ACSL4: variants seen among roughly 807,000 people sequenced by gnomAD.
ACSL4 encodes the protein acyl-CoA synthetase long chain family member 4.
A neutral mutation model predicts 49.1 loss-of-function variants in ACSL4; 9 were observed. The ratio of observed to expected loss-of-function variants is 0.18; its 90% CI spans 0.11 to 0.32. The LOEUF (loss-of-function observed/expected upper bound fraction) is 0.32. Ranked by LOEUF, ACSL4 falls within the 10% of genes least tolerant of loss-of-function variation. The pLI, the probability that ACSL4 is intolerant of heterozygous loss-of-function variation, is 1.00. For synonymous variants in ACSL4, 191 were observed against 170.3 expected (o/e 1.12, Z -0.95); for missense variants, 333 against 493.7 (o/e 0.67, Z 3.08).
chrX:109,647,255 C>G (rs764247491), intron 15 of ACSL4, among the ~76,000 whole-genome samples: 1 of 111,511 alleles, frequency 9.0e-6, no homozygotes, highest in Admixed American at 9.5e-5. Flanking sequence ...TATTCCAAAA[C>G]TGACCACAAA....
rs922168869 is a variant in ACSL4, at chrX:109,659,782, G to A, written c.1698-271C>T. On this transcript the variant is annotated intron_variant, in intron 14 of 15. Transcript: ENST00000672401. ...CACTCAATGAGGAAAGGACAGTCTC[G>A]TCAACAAATGGTACTAGGAAAACTG... Among the ~76,000 whole-genome samples, 22 of 110,596 alleles carry A rather than the reference G, an allele frequency of 2.0e-4. 3 individuals carry two copies. Among genetic ancestry groups the A allele is most frequent in the South Asian group, 1.1e-3 (3 of 2,643 alleles).
At chrX:109,646,740 A>G (rs1934726722) in intron 15 of ACSL4, among the ~76,000 whole-genome samples, 1 of 111,352 alleles carries the variant, frequency 9.0e-6, no homozygotes, top group Non-Finnish European at 1.9e-5. Context: ...TTGGATACAG[A>G]GTCAAGACCC....
chrX:109,733,160 C>T lies in ACSL4; in HGVS notation c.-87G>A, dbSNP rs1309186002. 1 of 328,201 alleles carries T rather than the reference C, an allele frequency of 3.0e-6. No individual in the cohort carries two copies. Among genetic ancestry groups the T allele is most frequent in the Non-Finnish European group, 5.9e-6 (1 of 168,887 alleles). 27.0% of individuals were successfully genotyped at this position (328,201 alleles called of 1,213,427 possible). ...TCACCGGAGGGGCGGCCCACCGCGT[C>T]TTCGCAGCCGGCCGGCGCCTGGCAC... is the stretch of plus-strand genomic sequence containing the variant. On this transcript the variant is annotated 5_prime_UTR_variant, in exon 1 of 16. Coordinates refer to ENST00000672401, the MANE Select transcript of ACSL4 (RefSeq NM_001318510.2).
chrX:109,725,449 G>A (rs1459477127), intron 1 of ACSL4, among the ~76,000 whole-genome samples: 1 of 111,310 alleles, frequency 9.0e-6, no homozygotes, highest in African/African-American at 3.3e-5. Flanking sequence ...TTTTACATTT[G>A]ACAAGTAATG....
At chrX:109,682,533 A>C (rs183190802) in intron 4 of ACSL4, among the ~76,000 whole-genome samples, 186 bp downstream of exon 4, 1 of 109,921 alleles carries the variant, frequency 9.1e-6, no homozygotes, top group African/African-American at 3.3e-5. Context: ...AGTTCTTACA[A>C]GTTACCATAC....
intron 2 of ACSL4, 69 bp from the exon 3 acceptor site, chrX:109,683,444 C>G (rs1924346489): frequency 8.3e-7 from 1 of 1,209,362 alleles, no homozygotes; most frequent in South Asian, 1.8e-5. Context: ...AACAAGTGGA[C>G]AGGCAGCAAA....
At chrX:109,715,433 G>T (rs1002600028) in intron 1 of ACSL4, among the ~76,000 whole-genome samples, 5 of 110,595 alleles carry the variant, frequency 4.5e-5, no homozygotes, top group Non-Finnish European at 9.5e-5. Flanking sequence ...GAGGTCAGGA[G>T]TTTGAGACCA....
chrX:109,674,140 G>A (rs1285829408), intron 9 of ACSL4, among the ~76,000 whole-genome samples: 2 of 111,155 alleles, frequency 1.8e-5, no homozygotes, highest in Non-Finnish European at 3.8e-5. Flanking sequence ...CTCACAGTAG[G>A]TAACCTGAAC....
intron 2 of ACSL4, among the ~76,000 whole-genome samples, chrX:109,687,539 A>T (rs1156382699): frequency 9.0e-6 from 1 of 111,535 alleles, no homozygotes; most frequent in Non-Finnish European, 1.9e-5. Context: ...GAAAACATGG[A>T]CACAGGGAGG....
At chrX:109,713,094 G>A (rs1307695705) in intron 1 of ACSL4, among the ~76,000 whole-genome samples, 1 of 110,018 alleles carries the variant, frequency 9.1e-6, no homozygotes, top group Non-Finnish European at 1.9e-5. Flanking sequence ...AAGGGAAGGG[G>A]AAGGGAAAGG....
intron 1 of ACSL4, 124 bp downstream of exon 1, chrX:109,733,015 G>A (rs1488833242): frequency 3.0e-6 from 1 of 330,503 alleles, no homozygotes; most frequent in Non-Finnish European, 5.9e-6. Flanking sequence ...TCCAGGAGCT[G>A]GAATGCCCAC....
At chrX:109,685,553 A>G (rs1924545798) in intron 2 of ACSL4, 1 of 111,846 alleles carries the variant, frequency 8.9e-6, no homozygotes, top group Non-Finnish European at 1.9e-5. Flanking sequence ...ACAGACTGAC[A>G]GACTTAATTC....
At chrX:109,649,063 G>A (rs571243574) in intron 15 of ACSL4, among the ~76,000 whole-genome samples, 1 of 109,530 alleles carries the variant, frequency 9.1e-6, no homozygotes, top group African/African-American at 3.3e-5. Flanking sequence ...ATGCTCATGG[G>A]TAGGAAGAAT....
At chrX:109,726,465 A>C (rs1928001885) in intron 1 of ACSL4, among the ~76,000 whole-genome samples, 1 of 111,816 alleles carries the variant, frequency 8.9e-6, no homozygotes, top group South Asian at 3.7e-4. Context: ...AACAAATACA[A>C]CCAACATATA....
At chrX:109,676,479 G>A (rs1004694682) in intron 8 of ACSL4, among the ~76,000 whole-genome samples, 15 of 111,469 alleles carry the variant, frequency 1.3e-4, no homozygotes, top group African/African-American at 4.9e-4. Flanking sequence ...GGGGCGGTCT[G>A]AAAAACAACA....
chrX:109,645,444 G>C (rs1934635287), intron 15 of ACSL4, among the ~76,000 whole-genome samples: 1 of 111,625 alleles, frequency 9.0e-6, no homozygotes, highest in Non-Finnish European at 1.9e-5. Flanking sequence ...TACTCCAACA[G>C]ACCTGCAGCT....
At chrX:109,648,080 A>T (rs1287425963) in intron 15 of ACSL4, among the ~76,000 whole-genome samples, 2 of 112,022 alleles carry the variant, frequency 1.8e-5, no homozygotes, top group Non-Finnish European at 3.8e-5. Context: ...TTCACAGCCA[A>T]ATTCTATCAG....
rs947950145 is a variant in ACSL4, at chrX:109,699,877, G to C, written c.-65-3681C>G. Among the ~76,000 whole-genome samples the C allele has an allele frequency of 3.6e-5, 4 of 111,187 alleles. No homozygotes were observed. The East Asian group carries it at 1.1e-3, about 31-fold the overall frequency. On this transcript the variant is annotated intron_variant, in intron 1 of 15. Transcript: ENST00000672401. ...CTGTCGTAAGCCAGTCAAACTACTG[G>C]AAGGTATCACTCACACGCTAAGCTG...
At chrX:109,724,827 G>T (rs1009824034) in intron 1 of ACSL4, among the ~76,000 whole-genome samples, 2 of 110,533 alleles carry the variant, frequency 1.8e-5, no homozygotes, top group Non-Finnish European at 3.8e-5. Flanking sequence ...CAGAAGAATC[G>T]CTTGAATCTG....
Sources: gnomAD v4.1 joint callset for allele counts (sites outside exome capture counted in the v4.1 genomes callset) on GRCh38, gnomAD v4.1.1 for gene constraint, MANE v1.5 for transcripts, NCBI Gene and HGNC (gene_info 2026-07-23, HGNC 2026-07-21) for gene names.